GAB2: variants seen among roughly 807,000 people sequenced by gnomAD.
GAB2 encodes the protein GRB2-associated-binding protein 2.
Under a neutral mutation model 65.5 loss-of-function variants are expected in GAB2, and 26 were observed. The ratio of observed to expected loss-of-function variants is 0.40; its 90% CI spans 0.29 to 0.55. The LOEUF (loss-of-function observed/expected upper bound fraction) is 0.55, where lower values mean the gene tolerates loss of function less well. Among genes scored for constraint, GAB2 ranks in the 20% least tolerant of loss-of-function variants. The pLI is 0.53. For synonymous variants in GAB2, 321 were observed against 329.6 expected, an observed-to-expected ratio of 0.97 and a Z score of 0.28; for missense variants, 884 against 875.8, an observed-to-expected ratio of 1.01 and a Z score of -0.12.
intron 1 of GAB2, among the ~76,000 whole-genome samples, chr11:78,392,978 T>C (rs1565183074): frequency 1.3e-5 from 2 of 152,224 alleles, no homozygotes; most frequent in South Asian, 4.1e-4. Context: ...AAAAGAAAGA[T>C]GACTATCCTT....
intron 8 of GAB2, 67 bp from the exon 9 acceptor site, chr11:78,220,511 A>C (rs1374848144): frequency 7.1e-7 from 1 of 1,401,732 alleles, no homozygotes; most frequent in Non-Finnish European, 9.7e-7. Context: ...CCAGAAAAAC[A>C]CCTCTGGGAG....
At chr11:78,259,315 C>T (rs1403572894) in intron 2 of GAB2, among the ~76,000 whole-genome samples, 1 of 152,128 alleles carries the variant, frequency 6.6e-6, no homozygotes, top group Non-Finnish European at 1.5e-5. Context: ...ACACTTGTCC[C>T]ATTTTTTATT....
At chr11:78,243,530 T>C (rs1468358432) in intron 3 of GAB2, among the ~76,000 whole-genome samples, 1 of 150,992 alleles carries the variant, frequency 6.6e-6, no homozygotes, top group Non-Finnish European at 1.5e-5. Context: ...AGCATAGAAA[T>C]GCAAAAAGGA....
intron 1 of GAB2, among the ~76,000 whole-genome samples, chr11:78,322,298 CAAAAAAAAAAA>C (rs56709163): frequency 0.036 from 429 of 12,054 alleles, 3 homozygotes; most frequent in Non-Finnish European, 0.077. Flanking sequence ...GACTCTGTCT[CAAAAAAAAAAA>C]AAAAAAAAAA....
chr11:78,267,370 T>C (rs956024093), intron 2 of GAB2, among the ~76,000 whole-genome samples: 1 of 152,208 alleles, frequency 6.6e-6, no homozygotes, highest in African/African-American at 2.4e-5. Flanking sequence ...ACGTATCACC[T>C]CTAGATCACT....
chr11:78,240,126 A>G (rs912020260), intron 3 of GAB2, among the ~76,000 whole-genome samples: 1 of 152,136 alleles, frequency 6.6e-6, no homozygotes, highest in African/African-American at 2.4e-5. Flanking sequence ...TTGGCTGCTC[A>G]GAACAGTCAT....
chr11:78,271,283 C>A (rs1043423609), intron 2 of GAB2, among the ~76,000 whole-genome samples: 8 of 152,236 alleles, frequency 5.3e-5, no homozygotes, highest in African/African-American at 1.9e-4. Flanking sequence ...ATTCTGAGGA[C>A]TGACAGCTAT....
chr11:78,257,437 G>A (rs1031854363), intron 2 of GAB2, among the ~76,000 whole-genome samples: 2 of 152,174 alleles, frequency 1.3e-5, no homozygotes, highest in Non-Finnish European at 2.9e-5. Flanking sequence ...TAGCTCTGTA[G>A]CCTTGGATAT....
Position 78,349,517 on chromosome 11 carries a change from T to C in GAB2, c.75+68129A>G, listed in dbSNP as rs539437323. On this transcript the variant is annotated intron_variant, in intron 1 of 9. Transcript: ENST00000361507. Reference sequence around the variant, plus strand: ...TAGATTTGGATTCAACAATGTATGCTGGCATCAGACCAGATAAACTTACCT... The same window carrying C: ...TAGATTTGGATTCAACAATGTATGCCGGCATCAGACCAGATAAACTTACCT... Among the ~76,000 whole-genome samples the C allele has an allele frequency of 5.3e-5, 8 of 152,296 alleles. No individual in the cohort carries two copies. The South Asian group carries it at 1.7e-3, about 32-fold the overall frequency.
chr11:78,239,885 A>G (rs890702059), intron 3 of GAB2, among the ~76,000 whole-genome samples: 1 of 152,054 alleles, frequency 6.6e-6, no homozygotes, highest in East Asian at 1.9e-4. Flanking sequence ...CTATGGCTGG[A>G]GTGTGTCTTG....
chr11:78,328,943 C>A (rs1855869957), intron 1 of GAB2, among the ~76,000 whole-genome samples: 2 of 152,068 alleles, frequency 1.3e-5, no homozygotes, highest in African/African-American at 4.8e-5. Flanking sequence ...GAAAAATACT[C>A]AACAGATGTG....
chr11:78,223,948 G>A (rs1287523967), intron 5 of GAB2, among the ~76,000 whole-genome samples: 1 of 152,118 alleles, frequency 6.6e-6, no homozygotes, highest in Non-Finnish European at 1.5e-5. Context: ...TGGGCGTGGT[G>A]GCATATGCTT....
At chr11:78,413,531 G>C (rs1300415803) in intron 1 of GAB2, among the ~76,000 whole-genome samples, 1 of 152,114 alleles carries the variant, frequency 6.6e-6, no homozygotes, top group African/African-American at 2.4e-5. Flanking sequence ...GCCTTTGTCA[G>C]AATAGCTTTG....
chr11:78,238,641 G>T (rs1415534491), intron 3 of GAB2, among the ~76,000 whole-genome samples: 3 of 151,026 alleles, frequency 2.0e-5, no homozygotes, highest in Non-Finnish European at 4.4e-5. Context: ...AACTCAAAAT[G>T]GATCAAAGAC....
intron 1 of GAB2, among the ~76,000 whole-genome samples, chr11:78,288,563 A>C (rs910503508): frequency 6.6e-6 from 1 of 152,256 alleles, no homozygotes; most frequent in Non-Finnish European, 1.5e-5. Context: ...AGGCATATAA[A>C]ATAAAAATAC....
intron 1 of GAB2, among the ~76,000 whole-genome samples, chr11:78,397,447 C>T (rs141475321): frequency 1.3e-5 from 2 of 152,302 alleles, no homozygotes; most frequent in East Asian, 3.9e-4. Context: ...GGTACTAAGG[C>T]CTGACGGTGA....
At position 78,329,752 on chromosome 11, in the gene GAB2, T is replaced by C. The variant is rs569851204; in HGVS notation, c.76-48851A>G. Among the ~76,000 whole-genome samples the C allele has an allele frequency of 3.5e-4, 54 of 152,348 alleles. No individual in the cohort carries two copies. The South Asian group carries it at 9.3e-3, about 26-fold the overall frequency. ...AGAAACACAGAGATCTGTTTGGATT[T>C]TCTCAGCTAGCATGTATCTCGCCAT... On this transcript the variant is annotated intron_variant, in intron 1 of 9. Transcript: ENST00000361507.
At chr11:78,370,320 C>G (rs1326683604) in intron 1 of GAB2, among the ~76,000 whole-genome samples, 1 of 151,514 alleles carries the variant, frequency 6.6e-6, no homozygotes, top group Non-Finnish European at 1.5e-5. Flanking sequence ...CGGAACTACA[C>G]TCATGGTTTA....
chr11:78,416,826 C>G (rs1227433172), intron 1 of GAB2, among the ~76,000 whole-genome samples: 1 of 151,510 alleles, frequency 6.6e-6, no homozygotes, highest in Non-Finnish European at 1.5e-5. Flanking sequence ...CAGCGCCACG[C>G]TGTTCCACCT....
Sources: allele counts gnomAD v4.1 joint callset (sites outside exome capture counted in the v4.1 genomes callset), GRCh38; gene constraint gnomAD v4.1.1; transcripts MANE v1.5; gene names NCBI Gene and HGNC (gene_info 2026-07-23, HGNC 2026-07-21).